Variants in SLC9C2 observed in about 807,000 individuals in gnomAD.
SLC9C2 encodes the protein solute carrier family 9 member C2 (putative).
A neutral mutation model predicts 140.2 loss-of-function variants in SLC9C2; 75 were observed. That is an observed-to-expected ratio of 0.53 (90% CI 0.44 to 0.65). The LOEUF (loss-of-function observed/expected upper bound fraction) is 0.65, where lower values mean the gene tolerates loss of function less well. Ranked by LOEUF, SLC9C2 falls within the 30% of genes least tolerant of loss-of-function variation. The probability of loss-of-function intolerance (pLI) is 0.00; values close to 1 mark genes in which losing one functional copy is unlikely to be tolerated. For synonymous variants in SLC9C2, 375 were observed against 420.9 expected (o/e 0.89, Z 1.34); for missense variants, 1,074 against 1,331.8 (o/e 0.81, Z 3.01).
chr1:173,532,519 A>G (rs1432100423), intron 17 of SLC9C2, among the ~76,000 whole-genome samples: 1 of 152,240 alleles, frequency 6.6e-6, no homozygotes, highest in Non-Finnish European at 1.5e-5. Flanking sequence ...ATTGAAGGCC[A>G]CAGTAAAATT....
chr1:173,541,461 G>A (rs1015700186), intron 13 of SLC9C2, among the ~76,000 whole-genome samples: 1 of 152,064 alleles, frequency 6.6e-6, no homozygotes, highest in Non-Finnish European at 1.5e-5. Context: ...AAGACAGAAG[G>A]TTAACAAGGA....
At chr1:173,537,249 G>A (rs558124286) in intron 13 of SLC9C2, among the ~76,000 whole-genome samples, 49 of 152,230 alleles carry the variant, frequency 3.2e-4, no homozygotes, top group Admixed American at 1.4e-3. Flanking sequence ...AATGTTATGA[G>A]ATAAAAAGGG....
chr1:173,559,435 G>A (rs1347920112), intron 9 of SLC9C2, among the ~76,000 whole-genome samples: 3 of 152,198 alleles, frequency 2.0e-5, no homozygotes, highest in African/African-American at 7.2e-5. Context: ...GACATCTACT[G>A]GGAAGTATTC....
chr1:173,546,821 G>A (rs1487191002), intron 13 of SLC9C2, among the ~76,000 whole-genome samples: 4 of 152,072 alleles, frequency 2.6e-5, no homozygotes, highest in South Asian at 2.1e-4. Flanking sequence ...AGGAATTATT[G>A]TTCACTTTTA....
intron 7 of SLC9C2, among the ~76,000 whole-genome samples, chr1:173,578,410 C>T (rs978720276): frequency 5.9e-5 from 9 of 152,166 alleles, no homozygotes; most frequent in Non-Finnish European, 8.8e-5. Flanking sequence ...TTTCGCTTTC[C>T]GGCTATGGAA....
In SLC9C2 at chr1:173,536,867, A is replaced by T. The variant is rs1661999738; in HGVS notation, c.1655+75T>A. The stretch of plus-strand genomic sequence containing the variant: ...ATAGATTGATCAATCAGGACATTTA[A>T]TTCTCATTTTATTCATTCTTCATCA... On this transcript the variant is annotated intron_variant, in intron 14 of 27. Coordinates refer to ENST00000367714, the MANE Select transcript of SLC9C2 (RefSeq NM_178527.4). The T allele has an allele frequency of 2.3e-5, 24 of 1,036,866 alleles. No individual in the cohort carries two copies. The South Asian group carries it at 3.1e-4, about 13-fold the overall frequency. 64.2% of individuals were successfully genotyped at this position (1,036,866 alleles called of 1,614,324 possible).
chr1:173,520,934 C>T (rs1049353524), intron 22 of SLC9C2, among the ~76,000 whole-genome samples: 1 of 152,204 alleles, frequency 6.6e-6, no homozygotes, highest in African/African-American at 2.4e-5. Flanking sequence ...CTGTCTCTCT[C>T]TCTGGTCAAC....
At chr1:173,509,442 C>G in intron 24 of SLC9C2, 126 bp downstream of exon 24, 3 of 823,428 alleles carry the variant, frequency 3.6e-6, no homozygotes, top group Non-Finnish European at 5.2e-6. Flanking sequence ...GAGCCTCTGT[C>G]TCAAAAAAAA....
chr1:173,566,538 A>G (rs944181995), intron 9 of SLC9C2, among the ~76,000 whole-genome samples: 2 of 151,908 alleles, frequency 1.3e-5, no homozygotes, highest in African/African-American at 4.8e-5. Flanking sequence ...CTCACTTTTC[A>G]TCTCTGATTC....
chr1:173,566,140 CT>C (rs887237062), intron 9 of SLC9C2, among the ~76,000 whole-genome samples: 1 of 151,952 alleles, frequency 6.6e-6, no homozygotes, highest in Non-Finnish European at 1.5e-5. Context: ...CTGAAGTTTT[CT>C]TTTTTTGATG....
chr1:173,536,048 TGGACCCACCAAATAA>T, intron 14 of SLC9C2, 99 bp from the exon 15 acceptor site: 3 of 1,065,318 alleles, frequency 2.8e-6, no homozygotes, highest in Non-Finnish European at 3.9e-6. Flanking sequence ...AAATTTAATA[TGGACCCACCAAATAA>T]GCTCAGTCTC....
intron 9 of SLC9C2, among the ~76,000 whole-genome samples, chr1:173,564,689 G>A (rs1323023822): frequency 6.9e-6 from 1 of 144,134 alleles, no homozygotes; most frequent in Non-Finnish European, 1.5e-5. Context: ...CCAGGCTGGA[G>A]TGCAGTGGCG....
At chr1:173,553,276 T>A (rs1158243246) in intron 11 of SLC9C2, among the ~76,000 whole-genome samples, 1 of 152,210 alleles carries the variant, frequency 6.6e-6, no homozygotes, top group African/African-American at 2.4e-5. Flanking sequence ...TGAACATTGT[T>A]GAAAGGACAG....
chr1:173,508,721 T>G (rs1004857214), intron 24 of SLC9C2, among the ~76,000 whole-genome samples: 2 of 152,174 alleles, frequency 1.3e-5, no homozygotes, highest in Non-Finnish European at 2.9e-5. Flanking sequence ...CCCAGTTCAC[T>G]TCCCCAGTTC....
intron 13 of SLC9C2, among the ~76,000 whole-genome samples, chr1:173,543,562 A>C (rs1662601577): frequency 1.3e-5 from 2 of 152,198 alleles, no homozygotes. Context: ...TCCTAACCAA[A>C]ACTAACAAAG....
At chr1:173,576,564 G>T in intron 8 of SLC9C2, 97 bp downstream of exon 8, 1 of 682,372 alleles carries the variant, frequency 1.5e-6, no homozygotes, top group Non-Finnish European at 2.4e-6. Context: ...ATAAAGAAAG[G>T]TTATGGAAAA....
Position 173,547,676 on chromosome 1 carries a change from G to A in SLC9C2, c.1557+13C>T, listed in dbSNP as rs144358733. ...GAAAGGAAATTTTAAAACATTATGT[G>A]AACAGCACCAACCATTTGTATTGCA... On this transcript the variant is annotated intron_variant, in intron 13 of 27. Coordinates refer to ENST00000367714, the MANE Select transcript of SLC9C2 (RefSeq NM_178527.4). 0.014 allele frequency: 21,863 copies of A among 1,597,098 alleles called. 170 individuals carry two copies. Among genetic ancestry groups the A allele is most frequent in the Middle Eastern group, 0.031 (187 of 6,030 alleles).
chr1:173,595,748 G>A (rs1666415475), intron 4 of SLC9C2, among the ~76,000 whole-genome samples: 1 of 152,002 alleles, frequency 6.6e-6, no homozygotes, highest in South Asian at 2.1e-4. Flanking sequence ...AATAATATGT[G>A]AGAAAAAGTC....
intron 16 of SLC9C2, 33 bp from the exon 17 acceptor site, chr1:173,533,830 C>T (rs1309577048): frequency 1.3e-6 from 2 of 1,557,304 alleles, no homozygotes; most frequent in African/African-American, 2.8e-5. Context: ...TTCATAGCAC[C>T]TATACAGTAA....
Sources: gnomAD v4.1 joint callset for allele counts (sites outside exome capture counted in the v4.1 genomes callset) on GRCh38, gnomAD v4.1.1 for gene constraint, MANE v1.5 for transcripts, NCBI Gene and HGNC (gene_info 2026-07-23, HGNC 2026-07-21) for gene names.